CEP112: variants seen among roughly 807,000 people sequenced by gnomAD.
The protein encoded by CEP112 is centrosomal protein 112.
A neutral mutation model predicts 153.0 loss-of-function variants in CEP112; 127 were observed. The observed-to-expected ratio is 0.83, with a 90% CI of 0.72 to 0.96. The LOEUF (loss-of-function observed/expected upper bound fraction) is 0.96, where lower values mean the gene tolerates loss of function less well. CEP112 is among the 40% of genes least tolerant of loss of function. The probability of loss-of-function intolerance (pLI) is 0.00; values close to 1 mark genes in which losing one functional copy is unlikely to be tolerated. For synonymous variants in CEP112, 358 were observed against 374.4 expected (o/e 0.96, Z 0.51); for missense variants, 1,089 against 1,101.2 (o/e 0.99, Z 0.16).
At chr17:65,669,275 T>C (rs1434635463) in intron 24 of CEP112, among the ~76,000 whole-genome samples, 3 of 152,204 alleles carry the variant, frequency 2.0e-5, no homozygotes, top group Non-Finnish European at 4.4e-5. Flanking sequence ...AATTCAAGTA[T>C]AAAACTAGAT....
At chr17:66,090,406 T>C (rs1360298473) in intron 8 of CEP112, among the ~76,000 whole-genome samples, 1 of 152,058 alleles carries the variant, frequency 6.6e-6, no homozygotes, top group Non-Finnish European at 1.5e-5. Context: ...GTAAATTGTG[T>C]CATCAAAAAA....
chr17:65,897,522 T>G (rs1008373022), intron 20 of CEP112, among the ~76,000 whole-genome samples: 1 of 152,132 alleles, frequency 6.6e-6, no homozygotes, highest in African/African-American at 2.4e-5. Flanking sequence ...AAATAATTTC[T>G]AATCTCAGCT....
intron 21 of CEP112, among the ~76,000 whole-genome samples, chr17:65,799,927 A>G (rs985375280): frequency 3.9e-5 from 6 of 152,184 alleles, no homozygotes; most frequent in African/African-American, 1.2e-4. Flanking sequence ...GTACATCTAG[A>G]AAAAATGCAA....
At chr17:65,869,925 A>T (rs967125952) in intron 20 of CEP112, among the ~76,000 whole-genome samples, 1 of 151,808 alleles carries the variant, frequency 6.6e-6, no homozygotes, top group Non-Finnish European at 1.5e-5. Flanking sequence ...AACAATTAAT[A>T]CCCAGGTTTG....
intron 23 of CEP112, among the ~76,000 whole-genome samples, chr17:65,718,038 A>G (rs2049637494): frequency 1.3e-5 from 2 of 152,208 alleles, no homozygotes; most frequent in Admixed American, 1.3e-4. Flanking sequence ...AAACAAAAGC[A>G]CGGGGGCATA....
intron 2 of CEP112, among the ~76,000 whole-genome samples, chr17:66,179,334 ATCTT>A (rs1321990925): frequency 6.6e-6 from 1 of 152,008 alleles, no homozygotes; most frequent in Non-Finnish European, 1.5e-5. Context: ...AACATAGGGT[ATCTT>A]TCTGTTTTTT....
At position 65,699,677 on chromosome 17, in the gene CEP112, T is replaced by C. The variant is rs147120467; in HGVS notation, c.2608-10459A>G. Among the ~76,000 whole-genome samples the C allele has an allele frequency of 1.7e-3, 257 of 152,206 alleles. 1 individual carries two copies. The highest frequency in any genetic ancestry group is 3.1e-3 in the African/African-American group (127 of 41,534). ...CTATGTTGCCCAGGCCGGAGTGCAG[T>C]GACTCACAGGCATGATCATAGCACC... On this transcript the variant is annotated intron_variant, in intron 23 of 26. Transcript: ENST00000535342.
chr17:65,988,880 C>T (rs554343261), intron 17 of CEP112, among the ~76,000 whole-genome samples: 2 of 152,066 alleles, frequency 1.3e-5, no homozygotes, highest in Admixed American at 6.6e-5. Flanking sequence ...TAAAAGAAAA[C>T]TTTCCAAAAC....
At chr17:65,973,311 T>G (rs1347833519) in intron 17 of CEP112, among the ~76,000 whole-genome samples, 2 of 152,162 alleles carry the variant, frequency 1.3e-5, no homozygotes, top group East Asian at 3.8e-4. Context: ...ATTAAAAGAA[T>G]GAACAGGCAA....
intron 17 of CEP112, among the ~76,000 whole-genome samples, chr17:65,967,139 T>A (rs1017988747): frequency 6.6e-5 from 10 of 152,180 alleles, no homozygotes; most frequent in Non-Finnish European, 1.0e-4. Flanking sequence ...ACAAAGACCT[T>A]TTATTGTCAA....
intron 6 of CEP112, among the ~76,000 whole-genome samples, chr17:66,106,333 A>G (rs889637147): frequency 2.0e-5 from 3 of 152,052 alleles, no homozygotes; most frequent in African/African-American, 7.2e-5. Flanking sequence ...TGAAAATTTA[A>G]AAAACACACA....
chr17:65,751,463 C>A (rs916054495), intron 21 of CEP112, among the ~76,000 whole-genome samples: 1 of 152,138 alleles, frequency 6.6e-6, no homozygotes, highest in Non-Finnish European at 1.5e-5. Flanking sequence ...TGTGTCTTTT[C>A]CCCATCAATC....
At chr17:65,885,083 C>G (rs2059229573) in intron 20 of CEP112, among the ~76,000 whole-genome samples, 1 of 152,064 alleles carries the variant, frequency 6.6e-6, no homozygotes, top group South Asian at 2.1e-4. Context: ...ATTATTAAGT[C>G]TGCACAATTA....
chr17:65,957,472 A>G (rs1359523180), intron 18 of CEP112, among the ~76,000 whole-genome samples: 1 of 152,046 alleles, frequency 6.6e-6, no homozygotes, highest in Non-Finnish European at 1.5e-5. Context: ...CAGTTTATTG[A>G]CTTGTATTGA....
chr17:66,125,322 T>C (rs1456408275), intron 6 of CEP112, among the ~76,000 whole-genome samples: 1 of 152,168 alleles, frequency 6.6e-6, no homozygotes, highest in African/African-American at 2.4e-5. Flanking sequence ...AATATCAGAA[T>C]TTTCAGCTCA....
rs745982514 is a variant in CEP112 at position 65,743,106 on chromosome 17, TCTC to T, written c.2566_2568del (p.Glu856del). The T allele has an allele frequency of 1.9e-6, 3 of 1,612,318 alleles. No homozygotes were observed. In the African/African-American group the frequency reaches 4.0e-5, roughly 21 times the overall value. On this transcript the variant is annotated inframe_deletion, in exon 23 of 27. Coordinates refer to ENST00000535342, the MANE Select transcript of CEP112 (RefSeq NM_001199165.4). Reference sequence around the variant, plus strand: ...TCATTATCTCTAATCAGCTGCTTCTTCTCATCTTCAAACTTTTGTCTAACATCC... The same window carrying T: ...TCATTATCTCTAATCAGCTGCTTCTTATCTTCAAACTTTTGTCTAACATCC...
At chr17:66,085,070 G>A (rs774587404) in intron 8 of CEP112, among the ~76,000 whole-genome samples, 5 of 152,044 alleles carry the variant, frequency 3.3e-5, no homozygotes, top group Non-Finnish European at 7.4e-5. Context: ...ATACAAAAAA[G>A]AAGTGATACT....
Position 65,743,198 on chromosome 17 carries a change from G to A in CEP112, c.2477C>T (p.Thr826Ile). ...KSSQIIAELQ[T>I]TISSLKEENS... ...CTCTTCTTTCAGAGAGGAAATGGTT[G>A]TCTGAAGTTCTGCTATGATCTAAAA... Residue 826 changes from threonine to isoleucine, a missense_variant, in exon 23 of 27, where the codon ACA becomes ATA. Transcript: ENST00000535342. 2 of 1,610,174 alleles carry A rather than the reference G, an allele frequency of 1.2e-6. No homozygotes were observed. Among genetic ancestry groups the A allele is most frequent in the Non-Finnish European group, 1.7e-6 (2 of 1,178,824 alleles).
chr17:65,745,845 C>A (rs1462998827), intron 22 of CEP112, among the ~76,000 whole-genome samples: 3 of 151,942 alleles, frequency 2.0e-5, no homozygotes, highest in Non-Finnish European at 2.9e-5. Context: ...ATAAAAATAT[C>A]CTGGGATACT....
Sources: allele counts gnomAD v4.1 joint callset (sites outside exome capture counted in the v4.1 genomes callset), GRCh38; gene constraint gnomAD v4.1.1; transcripts MANE v1.5; gene names NCBI Gene and HGNC (gene_info 2026-07-23, HGNC 2026-07-21).